The following FARS2 variants were observed in gnomAD, a reference collection of about 807,000 sequenced individuals.
The protein encoded by FARS2 is phenylalanyl-tRNA synthetase 2, mitochondrial.
In FARS2, 40 loss-of-function variants were observed where a neutral mutation model predicts 46.4. The ratio of observed to expected loss-of-function variants is 0.86; its 90% CI spans 0.67 to 1.12. The LOEUF is 1.12. Among genes scored for constraint, FARS2 ranks in the 50% most tolerant of loss-of-function variants. FARS2 has a pLI of 0.00. For synonymous variants in FARS2, 234 were observed against 214.9 expected (o/e 1.09, Z -0.78); for missense variants, 513 against 567.9 (o/e 0.90, Z 0.98).
intron 6 of FARS2, among the ~76,000 whole-genome samples, chr6:5,669,274 G>A (rs116356619): frequency 1.3e-3 from 193 of 152,066 alleles, no homozygotes; most frequent in African/African-American, 4.2e-3. Flanking sequence ...TTGTGCCCTC[G>A]GATTCCATCA....
intron 5 of FARS2, among the ~76,000 whole-genome samples, chr6:5,559,157 C>G (rs1359290470): frequency 6.6e-6 from 1 of 152,104 alleles, no homozygotes; most frequent in Non-Finnish European, 1.5e-5. Context: ...AATCCCAGCA[C>G]TTTGGGAGGC....
intron 1 of FARS2, among the ~76,000 whole-genome samples, chr6:5,263,716 C>T (rs942706566): frequency 1.3e-5 from 2 of 152,122 alleles, no homozygotes; most frequent in African/African-American, 2.4e-5. Context: ...CAAAAGTTAT[C>T]GACTACCTGT....
intron 6 of FARS2, among the ~76,000 whole-genome samples, chr6:5,623,048 A>C (rs1246705978): frequency 2.0e-5 from 3 of 152,220 alleles, no homozygotes. Flanking sequence ...TGACTTTCAC[A>C]CCTTAGATGT....
In FARS2 at chr6:5,609,998, C is replaced by T. The variant is rs1775080588; in HGVS notation, c.1066-3171C>T. On this transcript the variant is annotated intron_variant, in intron 5 of 6. Coordinates refer to ENST00000274680, the MANE Select transcript of FARS2 (RefSeq NM_006567.5). ...GGCCTTGCATTCGTGGCTGCTTCCA[C>T]CTCCTCCGCAGTGGCATAGTGACAA... The T allele has an allele frequency of 8.2e-6, 9 of 1,091,694 alleles. No homozygotes were observed. In the South Asian group the frequency reaches 1.1e-4, roughly 14 times the overall value. 67.6% of individuals were successfully genotyped at this position (1,091,694 alleles called of 1,614,324 possible).
At chr6:5,658,593 G>A (rs1777710240) in intron 6 of FARS2, among the ~76,000 whole-genome samples, 1 of 152,156 alleles carries the variant, frequency 6.6e-6, no homozygotes, top group Non-Finnish European at 1.5e-5. Context: ...ATATGGCACA[G>A]CATTTTATTG....
At chr6:5,507,992 T>C (rs1339549833) in intron 4 of FARS2, among the ~76,000 whole-genome samples, 1 of 152,232 alleles carries the variant, frequency 6.6e-6, no homozygotes, top group African/African-American at 2.4e-5. Flanking sequence ...TCTGGGTTTT[T>C]ATAGGCAAAT....
intron 1 of FARS2, among the ~76,000 whole-genome samples, chr6:5,273,155 T>A (rs1766081000): frequency 6.6e-6 from 1 of 152,242 alleles, no homozygotes; most frequent in Non-Finnish European, 1.5e-5. Flanking sequence ...TTTTTGATAA[T>A]ACTGATTTCT....
At chr6:5,704,244 T>C (rs553351479) in intron 6 of FARS2, among the ~76,000 whole-genome samples, 20 of 152,298 alleles carry the variant, frequency 1.3e-4, no homozygotes, top group African/African-American at 4.3e-4. Context: ...GGCTCATAGA[T>C]GGTTGTCTTC....
chr6:5,672,950 C>T (rs992426478), intron 6 of FARS2, among the ~76,000 whole-genome samples: 6 of 152,150 alleles, frequency 3.9e-5, no homozygotes, highest in Non-Finnish European at 8.8e-5. Flanking sequence ...TCTGTGACAC[C>T]CTAGCCATTT....
At position 5,527,114 on chromosome 6, in the gene FARS2, C is replaced by G. The variant is rs138322331; in HGVS notation, c.905-18066C>G. Among the ~76,000 whole-genome samples the G allele has an allele frequency of 2.4e-4, 36 of 152,278 alleles. No individual in the cohort carries two copies. In the East Asian group the frequency reaches 6.8e-3, roughly 29 times the overall value. On this transcript the variant is annotated intron_variant, in intron 4 of 6. Coordinates refer to ENST00000274680, the MANE Select transcript of FARS2 (RefSeq NM_006567.5). ...CATAAAAGTTATTCAACTGCTATAT[C>G]CACTGTTTTTTTCTTTCTGTCAACT...
At chr6:5,739,606 A>G (rs2150949603) in intron 6 of FARS2, among the ~76,000 whole-genome samples, 1 of 152,346 alleles carries the variant, frequency 6.6e-6, no homozygotes, top group Admixed American at 6.5e-5. Context: ...TGTCTACAAG[A>G]CAGATGTATG....
At chr6:5,580,411 G>A (rs1175366453) in intron 5 of FARS2, among the ~76,000 whole-genome samples, 1 of 151,994 alleles carries the variant, frequency 6.6e-6, no homozygotes, top group East Asian at 1.9e-4. Flanking sequence ...TTCATTTGAA[G>A]AAATGGAGGC....
intron 6 of FARS2, among the ~76,000 whole-genome samples, chr6:5,637,777 G>T (rs1776615737): frequency 6.6e-6 from 1 of 152,162 alleles, no homozygotes; most frequent in Non-Finnish European, 1.5e-5. Flanking sequence ...GGTAGATGGT[G>T]TCTTCTCCCT....
chr6:5,745,637 C>G (rs1334424134), intron 6 of FARS2, among the ~76,000 whole-genome samples: 1 of 152,194 alleles, frequency 6.6e-6, no homozygotes, highest in East Asian at 1.9e-4. Context: ...CACCTGTGCT[C>G]AAGCAATCCT....
rs1768108300 is a variant in FARS2, at chr6:5,506,512, T to G, written c.905-38668T>G. Among the ~76,000 whole-genome samples the G allele has an allele frequency of 2.0e-5, 3 of 152,324 alleles. No homozygotes were observed. The South Asian group carries it at 6.2e-4, about 32-fold the overall frequency. ...CCACCGAATTGTCTTCTGTTTACAA[T>G]TCTGCAGGCTCCTTCCCCATGTTTT... On this transcript the variant is annotated intron_variant, in intron 4 of 6. Transcript: ENST00000274680.
chr6:5,521,548 T>C (rs1769135710), intron 4 of FARS2, among the ~76,000 whole-genome samples: 1 of 152,166 alleles, frequency 6.6e-6, no homozygotes, highest in African/African-American at 2.4e-5. Context: ...GTTACCTCTG[T>C]TTTCTTCCTG....
At chr6:5,546,957 A>AT (rs530589604) in intron 5 of FARS2, among the ~76,000 whole-genome samples, 4 of 149,218 alleles carry the variant, frequency 2.7e-5, no homozygotes, top group African/African-American at 7.5e-5. Flanking sequence ...ATTTTATTTT[A>AT]TTTATTTATT....
rs536699202 is a variant in FARS2 at position 5,448,933 on chromosome 6, T to G, written c.904+17761T>G. On this transcript the variant is annotated intron_variant, in intron 4 of 6. Coordinates refer to ENST00000274680, the MANE Select transcript of FARS2 (RefSeq NM_006567.5). ...GCTATGTAGGTTGCACCCAAGCTTT[T>G]GAACTCTTAAGTCTGAAGTGTCTAT... is the stretch of plus-strand genomic sequence containing the variant. 1.7e-4 allele frequency among the ~76,000 whole-genome samples: 26 copies of G among 152,330 alleles called. 1 individual carries two copies. In the South Asian group the frequency reaches 5.4e-3, roughly 32 times the overall value.
intron 1 of FARS2, among the ~76,000 whole-genome samples, chr6:5,363,017 C>T (rs1015748764): frequency 7.3e-5 from 11 of 150,046 alleles, no homozygotes; most frequent in African/African-American, 2.7e-4. Context: ...AGCTCTGCCT[C>T]CTGGGTTCAC....
Sources: gnomAD v4.1 joint callset for allele counts (sites outside exome capture counted in the v4.1 genomes callset) on GRCh38, gnomAD v4.1.1 for gene constraint, MANE v1.5 for transcripts, NCBI Gene and HGNC (gene_info 2026-07-23, HGNC 2026-07-21) for gene names.